Variants in TTC7A observed in about 807,000 individuals in gnomAD.
The protein encoded by TTC7A is tetratricopeptide repeat protein 7A.
Under a neutral mutation model 103.7 loss-of-function variants are expected in TTC7A, and 110 were observed. That is an observed-to-expected ratio of 1.06 (90% CI 0.91 to 1.24). The LOEUF is 1.24. Among genes scored for constraint, TTC7A ranks in the 50% most tolerant of loss-of-function variants. TTC7A has a pLI of 0.00. For missense variants in TTC7A, 1,340 were observed against 1,116.3 expected, an observed-to-expected ratio of 1.20 and a Z score of -2.86; for synonymous variants, 521 against 467.9, an observed-to-expected ratio of 1.11 and a Z score of -1.47.
At chr2:47,038,862 C>G (rs758933357) in intron 15 of TTC7A, among the ~76,000 whole-genome samples, 2 of 152,014 alleles carry the variant, frequency 1.3e-5, no homozygotes, top group Non-Finnish European at 2.9e-5. Flanking sequence ...TGTGACTCAA[C>G]TTTCCTCTTC....
At chr2:46,987,988 A>C (rs1483602628) in intron 5 of TTC7A, among the ~76,000 whole-genome samples, 1 of 152,190 alleles carries the variant, frequency 6.6e-6, no homozygotes, top group Non-Finnish European at 1.5e-5. Flanking sequence ...TGGTATCTGC[A>C]GGGCTAGGGG....
rs191960038 is a variant in TTC7A, at chr2:47,072,349, C to T, written c.2356-1353C>T. On this transcript the variant is annotated intron_variant, in intron 19 of 19. Transcript: ENST00000319190. ...GGCGCTGTGAGGACAGCCTCTTCCT[C>T]CCCCGCCCCCTGGCCGCAAGATCTC... is the stretch of plus-strand genomic sequence containing the variant. Among the ~76,000 whole-genome samples the T allele has an allele frequency of 4.2e-3, 643 of 152,320 alleles. 3 individuals are homozygous for T. Among genetic ancestry groups the T allele is most frequent in the South Asian group, 8.1e-3 (39 of 4,830 alleles).
At position 47,060,770 on chromosome 2, in the gene TTC7A, T is replaced by C. The variant is rs1452746905; in HGVS notation, c.2154T>C (p.Ala718=). 3 of 1,598,384 alleles carry C rather than the reference T, an allele frequency of 1.9e-6. No homozygotes were observed. Among genetic ancestry groups the C allele is most frequent in the Non-Finnish European group, 8.6e-7 (1 of 1,168,014 alleles). ...CCCACTGCCCTTCTGCTTTTGCAGC[T>C]GAGCTGTTCATGGAGCAGCAGCACC... ...TTLEQIWLQA[A]ELFMEQQHLK... Residue 718 remains alanine (A), a splice_region_variant and synonymous_variant, in exon 19 of 20, where the codon GCT becomes GCC. Coordinates refer to ENST00000319190, the MANE Select transcript of TTC7A (RefSeq NM_020458.4).
intron 1 of TTC7A, among the ~76,000 whole-genome samples, chr2:46,944,031 G>T (rs1345708304): frequency 6.6e-6 from 1 of 152,086 alleles, no homozygotes; most frequent in East Asian, 1.9e-4. Context: ...GTCTAAGGTT[G>T]CTCCTCACCA....
Position 47,051,750 on chromosome 2 carries a change from C to A in TTC7A, c.2022C>A (p.Ser674=), listed in dbSNP as rs1434467854. 6.2e-7 allele frequency: 1 copy of A among 1,609,446 alleles called. No homozygotes were observed. The highest frequency in any genetic ancestry group is 8.5e-7 in the Non-Finnish European group (1 of 1,178,692). The change falls in exon 18 of 20, where the codon TCC becomes TCA. Residue 674 remains serine, a synonymous_variant. Transcript: ENST00000319190. ...LPDAHDADSG[S]RRASSIAASR... ...TCGTGCCCTCTTGCTCTGCAGGCTC[C>A]CGGCGGGCTTCGTCCATCGCCGCCT... is the stretch of plus-strand genomic sequence containing the variant.
intron 16 of TTC7A, among the ~76,000 whole-genome samples, chr2:47,048,758 A>G (rs1325166715): frequency 1.3e-5 from 2 of 151,952 alleles, no homozygotes; most frequent in African/African-American, 4.8e-5. Flanking sequence ...ACCCACGACC[A>G]TGTCTGGTTA....
chr2:46,948,947 CT>C (rs1671165813), intron 1 of TTC7A, among the ~76,000 whole-genome samples: 1 of 152,208 alleles, frequency 6.6e-6, no homozygotes, highest in Non-Finnish European at 1.5e-5. Flanking sequence ...ACTCTCGATC[CT>C]GATGGCTTCG....
chr2:46,942,613 A>G (rs1189888936), intron 1 of TTC7A, among the ~76,000 whole-genome samples: 8 of 152,164 alleles, frequency 5.3e-5, no homozygotes, highest in African/African-American at 1.9e-4. Flanking sequence ...CACTTTAATC[A>G]ACCCCGTGAA....
intron 1 of TTC7A, among the ~76,000 whole-genome samples, chr2:46,945,590 T>A (rs768145769): frequency 3.9e-5 from 6 of 152,070 alleles, no homozygotes; most frequent in Non-Finnish European, 8.8e-5. Context: ...AGGATTTCAC[T>A]ATGTGGTCCA....
upstream of TTC7A, among the ~76,000 whole-genome samples, chr2:46,940,772 T>C (rs1413303875): frequency 6.6e-6 from 1 of 152,182 alleles, no homozygotes; most frequent in East Asian, 1.9e-4. The surrounding 1 kb of genome is among the most constrained non-coding windows in gnomAD (Gnocchi z 4.7). Context: ...CGAGCATGCC[T>C]GGCCCGCATC....
At chr2:47,071,038 C>G (rs1329728878) in intron 19 of TTC7A, 1 of 152,290 alleles carries the variant, frequency 6.6e-6, no homozygotes, top group Non-Finnish European at 1.5e-5. Flanking sequence ...CTTGTTCCCA[C>G]CATCTCCCAG....
chr2:47,004,615 C>T (rs1221716182), intron 8 of TTC7A, among the ~76,000 whole-genome samples: 2 of 152,046 alleles, frequency 1.3e-5, no homozygotes, highest in Non-Finnish European at 2.9e-5. Context: ...CAGAAGGAGG[C>T]TCAGACAGAG....
chr2:46,969,191 A>G (rs1194558648), intron 3 of TTC7A, among the ~76,000 whole-genome samples: 1 of 137,580 alleles, frequency 7.3e-6, no homozygotes, highest in Admixed American at 7.8e-5. Flanking sequence ...TGTTATGTGT[A>G]TATAAGAGTT....
chr2:46,922,855 C>T (rs926762540), intron 2 of TTC7A, among the ~76,000 whole-genome samples: 11 of 152,250 alleles, frequency 7.2e-5, no homozygotes, highest in East Asian at 3.9e-4. Flanking sequence ...CCTCAGAAAC[C>T]GCAGGTTGAG....
intron 8 of TTC7A, among the ~76,000 whole-genome samples, chr2:46,997,465 A>G (rs1383564623): frequency 6.6e-6 from 1 of 152,216 alleles, no homozygotes; most frequent in African/African-American, 2.4e-5. Flanking sequence ...TATGACCTGC[A>G]AAAACAACAG....
At chr2:46,978,667 G>C in intron 4 of TTC7A, 125 bp from the exon 5 acceptor site, 2 of 655,950 alleles carry the variant, frequency 3.0e-6, no homozygotes, top group Non-Finnish European at 5.4e-6. Context: ...AGCCTGGTCT[G>C]AGAATGCAAC....
chr2:46,928,777 A>G (rs544138141), intron 2 of TTC7A, among the ~76,000 whole-genome samples: 1 of 152,214 alleles, frequency 6.6e-6, no homozygotes, highest in Non-Finnish European at 1.5e-5. Flanking sequence ...AAGAAAAAAA[A>G]AAAGTCCCAC....
At chr2:46,972,439 T>C (rs1346733598) in intron 3 of TTC7A, among the ~76,000 whole-genome samples, 2 of 152,222 alleles carry the variant, frequency 1.3e-5, no homozygotes, top group Non-Finnish European at 2.9e-5. Context: ...AGTAGTGTTA[T>C]TTATGTTCAC....
upstream of TTC7A, chr2:46,941,043 G>GGGC (rs555336676): frequency 0.012 from 1,772 of 151,452 alleles, 40 homozygotes; most frequent in African/African-American, 0.04. This position sits in a 1 kb window ranked among gnomAD's most constrained non-coding sequence, Gnocchi z 4.2. Flanking sequence ...TCCGCGGCGG[G>GGGC]GGCGGCGGCG....
Sources: allele counts gnomAD v4.1 joint callset (sites outside exome capture counted in the v4.1 genomes callset), GRCh38; gene constraint gnomAD v4.1.1; non-coding constraint Gnocchi (gnomAD v3.1); transcripts MANE v1.5; gene names NCBI Gene and HGNC (gene_info 2026-07-23, HGNC 2026-07-21).